The following NKAIN2 variants were observed in gnomAD, a reference collection of about 807,000 sequenced individuals.
NKAIN2 encodes sodium/potassium-transporting ATPase subunit beta-1-interacting protein 2.
In NKAIN2, 14 loss-of-function variants were observed where a neutral mutation model predicts 32.6. The observed-to-expected ratio is 0.43, with a 90% confidence interval of 0.28 to 0.67. The LOEUF (loss-of-function observed/expected upper bound fraction) is 0.67. Among genes scored for constraint, NKAIN2 ranks in the 30% least tolerant of loss-of-function variants. The pLI, the probability that NKAIN2 is intolerant of heterozygous loss-of-function variation, is 0.17. For synonymous variants in NKAIN2, 80 were observed against 87.2 expected (o/e 0.92, Z 0.46); for missense variants, 198 against 258.3 (o/e 0.77, Z 1.60).
chr6:124,282,203 A>T (rs1795328763), intron 1 of NKAIN2: 1 of 310,596 alleles, frequency 3.2e-6, no homozygotes, highest in African/African-American at 2.3e-5. Context: ...CACTGCTTAG[A>T]TTTTTATATG....
At chr6:124,196,718 T>C (rs1562416033) in intron 1 of NKAIN2, among the ~76,000 whole-genome samples, 1 of 152,100 alleles carries the variant, frequency 6.6e-6, no homozygotes, top group Non-Finnish European at 1.5e-5. Context: ...TAATTATATT[T>C]GCAAATTTAA....
At chr6:123,905,616 G>A (rs928668318) in intron 1 of NKAIN2, among the ~76,000 whole-genome samples, 68 of 152,088 alleles carry the variant, frequency 4.5e-4, no homozygotes, top group Admixed American at 1.4e-3. Context: ...TGTACCTAAT[G>A]TACACTGTGG....
At chr6:124,397,837 T>C (rs1773451506) in intron 3 of NKAIN2, among the ~76,000 whole-genome samples, 1 of 152,160 alleles carries the variant, frequency 6.6e-6, no homozygotes, top group African/African-American at 2.4e-5. Flanking sequence ...ATTTTAATGC[T>C]CTTTATATTT....
rs182155525 is a variant in NKAIN2 at position 123,831,933 on chromosome 6, C to T, written c.54+27679C>T. On this transcript the variant is annotated intron_variant, in intron 1 of 6. Transcript: ENST00000368417. Reference sequence around the variant, plus strand: ...CCTTGCAAAGTGCTGGGATTACAGGCGTGAGCCACCATGCCTGGCCTATAG... The same window carrying T: ...CCTTGCAAAGTGCTGGGATTACAGGTGTGAGCCACCATGCCTGGCCTATAG... Among the ~76,000 whole-genome samples, 617 of 152,284 alleles carry T rather than the reference C, an allele frequency of 4.1e-3. 1 individual carries two copies. Among genetic ancestry groups the T allele is most frequent in the Middle Eastern group, 0.01 (3 of 294 alleles).
intron 2 of NKAIN2, among the ~76,000 whole-genome samples, chr6:124,304,850 A>AGGAGGTGGAGC (rs1562481594): frequency 6.6e-6 from 1 of 151,974 alleles, no homozygotes; most frequent in African/African-American, 2.4e-5. Context: ...GGAGGTGGAG[A>AGGAGGTGGAGC]CTGTAGTGAG....
intron 3 of NKAIN2, among the ~76,000 whole-genome samples, chr6:124,409,226 CTA>C (rs1774026066): frequency 6.6e-6 from 1 of 152,164 alleles, no homozygotes; most frequent in Non-Finnish European, 1.5e-5. Flanking sequence ...ACTTCCAACA[CTA>C]TGTTGAATAG....
intron 1 of NKAIN2, among the ~76,000 whole-genome samples, chr6:124,254,381 T>C (rs967365820): frequency 2.0e-5 from 3 of 152,250 alleles, no homozygotes; most frequent in Non-Finnish European, 2.9e-5. Context: ...TATTGTACTT[T>C]GTTTTATGAA....
At chr6:124,732,821 A>G (rs909963913) in intron 4 of NKAIN2, among the ~76,000 whole-genome samples, 1 of 152,026 alleles carries the variant, frequency 6.6e-6, no homozygotes, top group South Asian at 2.1e-4. Flanking sequence ...ATTCTACTAG[A>G]TATTAACCCA....
At chr6:124,743,956 A>G (rs1777343087) in intron 4 of NKAIN2, among the ~76,000 whole-genome samples, 1 of 151,912 alleles carries the variant, frequency 6.6e-6, no homozygotes, top group Admixed American at 6.6e-5. Flanking sequence ...CCAAATTATT[A>G]ATTTCTAATA....
chr6:124,453,355 A>ACACACACACACACG lies in NKAIN2; in HGVS notation c.273+98021_273+98022insGCACACACACACAC, dbSNP rs1554210271. ...CACACACACACACACACACACACAC[A>ACACACACACACACG]CACACACACACACAGTTCTGAGGTC... On this transcript the variant is annotated intron_variant, in intron 3 of 6. Transcript: ENST00000368417. Among the ~76,000 whole-genome samples the ACACACACACACACG allele has an allele frequency of 9.3e-4, 127 of 136,674 alleles. 2 individuals carry two copies. The highest frequency in any genetic ancestry group is 1.4e-3 in the Non-Finnish European group (87 of 63,594). The allele number at this position is 136,674 out of a possible 152,430, so 89.7% of individuals were successfully genotyped here. A position where few individuals can be genotyped will look rare whatever the true frequency, so the allele number is the denominator to read the frequency against.
At chr6:124,374,674 T>C (rs978250335) in intron 3 of NKAIN2, among the ~76,000 whole-genome samples, 2 of 152,156 alleles carry the variant, frequency 1.3e-5, no homozygotes, top group East Asian at 1.9e-4. Flanking sequence ...AAATGCAACT[T>C]CAGAGTGTCC....
At chr6:124,065,920 C>T (rs1034879848) in intron 1 of NKAIN2, among the ~76,000 whole-genome samples, 2 of 152,090 alleles carry the variant, frequency 1.3e-5, no homozygotes, top group African/African-American at 2.4e-5. Context: ...TATATACACA[C>T]GTAGCTATAG....
chr6:124,450,975 TA>T (rs1484079329), intron 3 of NKAIN2, among the ~76,000 whole-genome samples: 1 of 152,100 alleles, frequency 6.6e-6, no homozygotes, highest in Non-Finnish European at 1.5e-5. Context: ...AAGGACTATT[TA>T]ACCCAGCTAT....
In NKAIN2 at chr6:124,823,311, A is replaced by T. The variant is rs1781467308; in HGVS notation, c.*82A>T. 15 of 942,324 alleles carry T rather than the reference A, an allele frequency of 1.6e-5. No homozygotes were observed. The highest frequency in any genetic ancestry group is 1.3e-4 in the South Asian group (10 of 77,966). 58.4% of individuals were successfully genotyped at this position (942,324 alleles called of 1,614,324 possible). ...GGCCTCCTGCATTTCATGAAGAGCA[A>T]GAAGCAACTGAGTTTAAATACATAC... On this transcript the variant is annotated 3_prime_UTR_variant, in exon 7 of 7. Coordinates refer to ENST00000368417, the MANE Select transcript of NKAIN2 (RefSeq NM_001040214.3).
chr6:124,790,944 G>A (rs755568597), intron 4 of NKAIN2, among the ~76,000 whole-genome samples: 5 of 152,024 alleles, frequency 3.3e-5, no homozygotes, highest in Non-Finnish European at 7.4e-5. Context: ...TTTTTCTGAC[G>A]GTCTGTGGGT....
chr6:124,521,769 G>A (rs1779127666), intron 3 of NKAIN2, among the ~76,000 whole-genome samples: 1 of 152,076 alleles, frequency 6.6e-6, no homozygotes, highest in South Asian at 2.1e-4. Flanking sequence ...CTCCCTTGAT[G>A]TGTTCAGTTG....
At chr6:124,410,393 T>C (rs1342755083) in intron 3 of NKAIN2, among the ~76,000 whole-genome samples, 10 of 152,242 alleles carry the variant, frequency 6.6e-5, no homozygotes, top group Admixed American at 6.5e-4. Context: ...GTATGTTCTG[T>C]CTTTGTTCTC....
intron 3 of NKAIN2, among the ~76,000 whole-genome samples, chr6:124,487,872 A>C (rs1341853346): frequency 6.6e-6 from 1 of 152,020 alleles, no homozygotes; most frequent in Non-Finnish European, 1.5e-5. Context: ...CCATAGGTCC[A>C]TTTCTCTCTC....
Position 124,343,262 on chromosome 6 carries a change from G to A in NKAIN2, c.193-12005G>A, listed in dbSNP as rs532245479. Among the ~76,000 whole-genome samples the A allele has an allele frequency of 1.7e-4, 26 of 152,074 alleles. No individual in the cohort carries two copies. In the South Asian group the frequency reaches 5.4e-3, roughly 32 times the overall value. On this transcript the variant is annotated intron_variant, in intron 2 of 6. Coordinates refer to ENST00000368417, the MANE Select transcript of NKAIN2 (RefSeq NM_001040214.3). ...ACATTTGGGTTGGTTCCAAGTCTTT[G>A]CTATTGTGAATAGTGCCGAAATAAA...
Sources: allele counts gnomAD v4.1 joint callset (sites outside exome capture counted in the v4.1 genomes callset), GRCh38; gene constraint gnomAD v4.1.1; transcripts MANE v1.5; gene names NCBI Gene and HGNC (gene_info 2026-07-23, HGNC 2026-07-21).